Variants in CNOT10 observed in about 807,000 individuals in gnomAD.
CNOT10 encodes CCR4-NOT transcription complex, subunit 10.
A neutral mutation model predicts 94.6 loss-of-function variants in CNOT10; 30 were observed. That is an observed-to-expected ratio of 0.32 (90% CI 0.24 to 0.43). The LOEUF is 0.43. Ranked by LOEUF, CNOT10 falls within the 20% of genes least tolerant of loss-of-function variation. The pLI is 1.00. For missense variants in CNOT10, 759 were observed against 877.2 expected (o/e 0.87, Z 1.70); for synonymous variants, 289 against 301.6 (o/e 0.96, Z 0.43).
chr3:32,707,719 CTT>C (rs1255801796), intron 3 of CNOT10, among the ~76,000 whole-genome samples: 1 of 152,020 alleles, frequency 6.6e-6, no homozygotes, highest in Non-Finnish European at 1.5e-5. Flanking sequence ...AGGAGAATCA[CTT>C]GAACCCTGGA....
rs375845927 is a variant in CNOT10, at chr3:32,764,350, AG to A, written c.1841-104del. ...AGGCTCCATCTCAAAAAAAAAAAAA[AG>A]AAAAGAAAAGAAAATATGCCCTCTA... On this transcript the variant is annotated intron_variant, in intron 15 of 18. Coordinates refer to ENST00000328834, the MANE Select transcript of CNOT10 (RefSeq NM_015442.3). The A allele has an allele frequency of 1.1e-3, 1,254 of 1,158,668 alleles. 7 individuals are homozygous for A. Among genetic ancestry groups the A allele is most frequent in the East Asian group, 3.1e-3 (126 of 40,324 alleles). The allele number at this position is 1,158,668 out of a possible 1,614,324, so 71.8% of individuals were successfully genotyped here.
chr3:32,708,985 G>T (rs1163832336), intron 4 of CNOT10, among the ~76,000 whole-genome samples, 165 bp downstream of exon 4: 1 of 152,142 alleles, frequency 6.6e-6, no homozygotes, highest in East Asian at 1.9e-4. Context: ...TGTAATCCAG[G>T]TTTTCTTTGA....
intron 6 of CNOT10, among the ~76,000 whole-genome samples, chr3:32,716,804 A>G (rs1698145373): frequency 6.6e-6 from 1 of 151,954 alleles, no homozygotes. Flanking sequence ...GCGCATCACC[A>G]CACCCGGATA....
chr3:32,759,377 G>C, intron 13 of CNOT10, 81 bp from the exon 14 acceptor site: 1 of 947,936 alleles, frequency 1.1e-6, no homozygotes, highest in South Asian at 1.5e-5. Context: ...ACAGCTAAAG[G>C]GCATTTCTTC....
At chr3:32,698,195 A>G (rs1236008410) in intron 1 of CNOT10, among the ~76,000 whole-genome samples, 3 of 152,236 alleles carry the variant, frequency 2.0e-5, no homozygotes, top group African/African-American at 7.2e-5. Flanking sequence ...GAAACTGGCA[A>G]ACTTTATTCA....
At chr3:32,693,902 T>G (rs1043850358) in intron 1 of CNOT10, among the ~76,000 whole-genome samples, 2 of 152,184 alleles carry the variant, frequency 1.3e-5, no homozygotes, top group African/African-American at 4.8e-5. Flanking sequence ...TGATTTATAC[T>G]TGTGAATTTA....
intron 7 of CNOT10, among the ~76,000 whole-genome samples, chr3:32,718,380 C>T (rs1292147693): frequency 6.8e-6 from 1 of 147,068 alleles, no homozygotes. Flanking sequence ...GTCAGGAGAT[C>T]GAGACCATCC....
At chr3:32,757,612 T>G (rs1700278240) in intron 13 of CNOT10, among the ~76,000 whole-genome samples, 1 of 152,212 alleles carries the variant, frequency 6.6e-6, no homozygotes, top group Non-Finnish European at 1.5e-5. Flanking sequence ...CATTTTAAAA[T>G]TAAAAATACA....
At chr3:32,698,442 T>C (rs1455064302) in intron 1 of CNOT10, among the ~76,000 whole-genome samples, 15 of 152,176 alleles carry the variant, frequency 9.9e-5, no homozygotes. Context: ...GGGGGTTTCG[T>C]AGTGATCTAA....
intron 15 of CNOT10, among the ~76,000 whole-genome samples, chr3:32,763,635 G>A (rs1000547599): frequency 1.3e-5 from 2 of 151,524 alleles, no homozygotes; most frequent in East Asian, 3.9e-4. Context: ...GGGTGACAGA[G>A]CAAGACTCTG....
chr3:32,696,193 A>G (rs957662757), intron 1 of CNOT10, among the ~76,000 whole-genome samples: 8 of 151,920 alleles, frequency 5.3e-5, no homozygotes, highest in African/African-American at 1.9e-4. Flanking sequence ...GCGGGCACCT[A>G]TAATCCCAGC....
chr3:32,759,945 G>A (rs1700371916), intron 14 of CNOT10, among the ~76,000 whole-genome samples: 1 of 152,156 alleles, frequency 6.6e-6, no homozygotes, highest in South Asian at 2.1e-4. Context: ...CACTTTGGGA[G>A]GCCGAGGCAG....
chr3:32,690,592 G>A (rs1696807424), intron 1 of CNOT10, among the ~76,000 whole-genome samples: 2 of 151,996 alleles, frequency 1.3e-5, no homozygotes, highest in Admixed American at 6.6e-5. Context: ...TGTTGCCCAG[G>A]CTGGAGTGCA....
At chr3:32,686,718 C>A (rs1259573344) in intron 1 of CNOT10, among the ~76,000 whole-genome samples, 1 of 152,208 alleles carries the variant, frequency 6.6e-6, no homozygotes, top group African/African-American at 2.4e-5. Flanking sequence ...AGGGGACCAA[C>A]ATCTTCCTCC....
At chr3:32,748,666 C>T (rs1488063846) in intron 13 of CNOT10, among the ~76,000 whole-genome samples, 2 of 151,788 alleles carry the variant, frequency 1.3e-5, no homozygotes, top group Non-Finnish European at 2.9e-5. Context: ...CTGCCCACCA[C>T]ACCCGACTAA....
intron 15 of CNOT10, among the ~76,000 whole-genome samples, chr3:32,763,969 A>G (rs1271864208): frequency 1.3e-5 from 2 of 152,136 alleles, no homozygotes; most frequent in African/African-American, 4.8e-5. Context: ...TGTCTCTACT[A>G]AAAATACAAA....
At chr3:32,755,350 C>T (rs1700183220) in intron 13 of CNOT10, among the ~76,000 whole-genome samples, 2 of 125,478 alleles carry the variant, frequency 1.6e-5, no homozygotes, top group African/African-American at 6.1e-5. Flanking sequence ...CAGAGTTTCG[C>T]TCTTGTTGCC....
intron 1 of CNOT10, among the ~76,000 whole-genome samples, chr3:32,687,465 T>TTTTTTTTTTTTTTTTTTTG (rs1361507074): frequency 1.6e-5 from 2 of 123,644 alleles, no homozygotes; most frequent in Non-Finnish European, 3.5e-5. Context: ...TTTTTTTTTT[T>TTTTTTTTTTTTTTTTTTTG]TTTTGAGACG....
At chr3:32,724,568 A>G (rs1575244347) in intron 8 of CNOT10, among the ~76,000 whole-genome samples, 1 of 151,800 alleles carries the variant, frequency 6.6e-6, no homozygotes, top group East Asian at 1.9e-4. Flanking sequence ...GCCCGCCACC[A>G]CGCCCGGCTA....
Sources: gnomAD v4.1 joint callset for allele counts (sites outside exome capture counted in the v4.1 genomes callset) on GRCh38, gnomAD v4.1.1 for gene constraint, MANE v1.5 for transcripts, NCBI Gene and HGNC (gene_info 2026-07-23, HGNC 2026-07-21) for gene names.